FHIT: variants seen among roughly 807,000 people sequenced by gnomAD.
The protein encoded by FHIT is fragile histidine triad diadenosine triphosphatase.
In FHIT, 19 loss-of-function variants were observed where a neutral mutation model predicts 17.9. The observed-to-expected ratio is 1.06, with a 90% CI of 0.74 to 1.56. The LOEUF (loss-of-function observed/expected upper bound fraction) is 1.56, where lower values mean the gene tolerates loss of function less well. Among genes scored for constraint, FHIT ranks in the 40% most tolerant of loss-of-function variants. The probability of loss-of-function intolerance (pLI) is 0.00; values close to 1 mark genes in which losing one functional copy is unlikely to be tolerated. For missense variants in FHIT, 248 were observed against 189.2 expected (o/e 1.31, Z -1.82); for synonymous variants, 81 against 69.7 (o/e 1.16, Z -0.81).
At chr3:60,060,580 C>T (rs1178530994) in intron 5 of FHIT, among the ~76,000 whole-genome samples, 1 of 152,126 alleles carries the variant, frequency 6.6e-6, no homozygotes, top group East Asian at 1.9e-4. Context: ...AGTATACTAC[C>T]TACTTTGAAT....
chr3:60,325,721 T>G (rs1430506454), intron 5 of FHIT, among the ~76,000 whole-genome samples: 2 of 152,158 alleles, frequency 1.3e-5, no homozygotes, highest in African/African-American at 4.8e-5. Flanking sequence ...CAATACAGAG[T>G]CAAACTACAA....
At chr3:60,606,095 G>T (rs2038599468) in intron 4 of FHIT, among the ~76,000 whole-genome samples, 1 of 152,068 alleles carries the variant, frequency 6.6e-6, no homozygotes. Flanking sequence ...GCCCCAGAGT[G>T]TGCTAGAGCC....
At chr3:59,841,904 C>T (rs1478318963) in intron 8 of FHIT, among the ~76,000 whole-genome samples, 2 of 152,132 alleles carry the variant, frequency 1.3e-5, no homozygotes. Context: ...TGGTAGAATA[C>T]ACATAATCTA....
At chr3:60,493,728 A>G (rs1243698371) in intron 5 of FHIT, among the ~76,000 whole-genome samples, 1 of 152,220 alleles carries the variant, frequency 6.6e-6, no homozygotes, top group Non-Finnish European at 1.5e-5. Flanking sequence ...ACAAAGTTCA[A>G]TATTTGGAAT....
intron 5 of FHIT, among the ~76,000 whole-genome samples, chr3:60,403,292 T>C (rs1456061672): frequency 1.3e-5 from 2 of 152,184 alleles, no homozygotes; most frequent in East Asian, 1.9e-4. Context: ...TCTTAGGAGC[T>C]GGTGGTGCTT....
intron 5 of FHIT, among the ~76,000 whole-genome samples, chr3:60,222,344 A>G (rs1704001495): frequency 6.6e-6 from 1 of 152,158 alleles, no homozygotes. Flanking sequence ...CTGTTCTTCA[A>G]CTTCAGTCAT....
At chr3:60,734,773 C>T (rs2042102490) in intron 4 of FHIT, among the ~76,000 whole-genome samples, 1 of 152,232 alleles carries the variant, frequency 6.6e-6, no homozygotes. Context: ...CTATGCCAGA[C>T]TTACCTTACC....
chr3:59,834,102 C>T (rs1307786273), intron 8 of FHIT, among the ~76,000 whole-genome samples: 1 of 152,104 alleles, frequency 6.6e-6, no homozygotes, highest in Non-Finnish European at 1.5e-5. Context: ...CACACAATAT[C>T]CAGAGACACA....
chr3:60,185,037 T>C (rs1157594930), intron 5 of FHIT, among the ~76,000 whole-genome samples: 1 of 152,136 alleles, frequency 6.6e-6, no homozygotes, highest in Non-Finnish European at 1.5e-5. Flanking sequence ...GCTCATCATG[T>C]ATATTTCTTG....
chr3:60,707,882 G>T (rs1553703936), intron 4 of FHIT, among the ~76,000 whole-genome samples: 1 of 152,136 alleles, frequency 6.6e-6, no homozygotes, highest in Admixed American at 6.5e-5. Context: ...ACATTAGTTT[G>T]GGTATACTGT....
chr3:60,987,049 T>C (rs1296967136), intron 3 of FHIT, among the ~76,000 whole-genome samples: 1 of 152,100 alleles, frequency 6.6e-6, no homozygotes, highest in Non-Finnish European at 1.5e-5. Flanking sequence ...TGCAGTAAAA[T>C]GTTAGAGAGA....
chr3:59,866,545 C>T (rs1454684789), intron 8 of FHIT, among the ~76,000 whole-genome samples: 1 of 152,094 alleles, frequency 6.6e-6, no homozygotes, highest in East Asian at 1.9e-4. Context: ...AGAACATAGG[C>T]TGGAGGATCA....
At chr3:59,975,182 T>A (rs1170728225) in intron 7 of FHIT, among the ~76,000 whole-genome samples, 1 of 152,148 alleles carries the variant, frequency 6.6e-6, no homozygotes, top group African/African-American at 2.4e-5. Flanking sequence ...TGAATGAGAT[T>A]CTTGGCATTT....
At chr3:59,998,233 T>C (rs1435983571) in intron 7 of FHIT, among the ~76,000 whole-genome samples, 3 of 152,166 alleles carry the variant, frequency 2.0e-5, no homozygotes, top group Admixed American at 6.6e-5. Flanking sequence ...GGGCCGCAGA[T>C]GAAGGGCTAC....
chr3:60,638,088 G>A (rs1436443138), intron 4 of FHIT, among the ~76,000 whole-genome samples: 2 of 152,144 alleles, frequency 1.3e-5, no homozygotes, highest in Non-Finnish European at 2.9e-5. Flanking sequence ...TTTCTTAAGA[G>A]TAAAAATCAA....
chr3:59,830,200 G>A (rs1322629689), intron 8 of FHIT, among the ~76,000 whole-genome samples: 1 of 152,150 alleles, frequency 6.6e-6, no homozygotes, highest in Non-Finnish European at 1.5e-5. Flanking sequence ...CAACTGCTAA[G>A]ATAACCAAAG....
intron 4 of FHIT, among the ~76,000 whole-genome samples, chr3:60,552,959 G>T (rs1387702498): frequency 6.6e-6 from 1 of 152,158 alleles, no homozygotes; most frequent in African/African-American, 2.4e-5. Context: ...TAAGAGGCAT[G>T]TCTACATGGT....
At chr3:59,848,453 A>T (rs1701805118) in intron 8 of FHIT, among the ~76,000 whole-genome samples, 1 of 152,210 alleles carries the variant, frequency 6.6e-6, no homozygotes, top group Non-Finnish European at 1.5e-5. Flanking sequence ...AAAAAATCAC[A>T]GACCTTTAAT....
chr3:61,188,052 G>A (rs2038579040), intron 2 of FHIT, among the ~76,000 whole-genome samples: 1 of 152,084 alleles, frequency 6.6e-6, no homozygotes, highest in South Asian at 2.1e-4. Flanking sequence ...ACATTCAAAA[G>A]CTAGCAGAAG....
Sources: allele counts gnomAD v4.1 joint callset (sites outside exome capture counted in the v4.1 genomes callset), GRCh38; gene constraint gnomAD v4.1.1; transcripts MANE v1.5; gene names NCBI Gene and HGNC (gene_info 2026-07-23, HGNC 2026-07-21).